PDE4A: variants seen among roughly 807,000 people sequenced by gnomAD.
PDE4A encodes 3',5'-cyclic-AMP phosphodiesterase 4A.
A neutral mutation model predicts 73.9 loss-of-function variants in PDE4A; 21 were observed. That is an observed-to-expected ratio of 0.28 (90% CI 0.20 to 0.41). The LOEUF is 0.41. Ranked by LOEUF, PDE4A falls within the 10% of genes least tolerant of loss-of-function variation. The probability of loss-of-function intolerance (pLI) is 1.00; values close to 1 mark genes in which losing one functional copy is unlikely to be tolerated. For synonymous variants in PDE4A, 463 were observed against 505.4 expected, an observed-to-expected ratio of 0.92 and a Z score of 1.13; for missense variants, 958 against 1,211.4, an observed-to-expected ratio of 0.79 and a Z score of 3.10.
At chr19:10,450,562 A>C (rs1599435716) in intron 4 of PDE4A, 41 bp from the exon 5 acceptor site, 2 of 1,560,264 alleles carry the variant, frequency 1.3e-6, no homozygotes, top group Non-Finnish European at 1.7e-6. Flanking sequence ...TGGTGGGGGG[A>C]CCCAGGCTGA....
Position 10,458,253 on chromosome 19 carries a change from C to T in PDE4A, c.1101+151C>T. ...GCCCATCTTGAGGCAAGCATGCTGG[C>T]TCTTTGTACCTCTGTATCATTCATT... On this transcript the variant is annotated intron_variant, in intron 8 of 14. Coordinates refer to ENST00000380702, the MANE Select transcript of PDE4A (RefSeq NM_001111307.2). This position sits in a 1 kb window ranked among gnomAD's most constrained non-coding sequence, Gnocchi z 4.6. 1.4e-6 allele frequency: 1 copy of T among 696,668 alleles called. No individual in the cohort carries two copies. Among genetic ancestry groups the T allele is most frequent in the Non-Finnish European group, 2.4e-6 (1 of 417,438 alleles). 43.2% of individuals were successfully genotyped at this position (696,668 alleles called of 1,614,324 possible). A position where few individuals can be genotyped will look rare whatever the true frequency, so the allele number is the denominator to read the frequency against.
intron 1 of PDE4A, chr19:10,428,763 C>T (rs2145461518): frequency 2.0e-6 from 2 of 984,858 alleles, no homozygotes; most frequent in South Asian, 4.7e-5. Context: ...CAAGCCCAGG[C>T]TTCCTCACTC....
At chr19:10,427,072 C>G (rs553725534) in intron 1 of PDE4A, among the ~76,000 whole-genome samples, 2 of 151,964 alleles carry the variant, frequency 1.3e-5, no homozygotes, top group Non-Finnish European at 2.9e-5. Flanking sequence ...GAGGCCGAGG[C>G]AGGTGGATCA....
intron 13 of PDE4A, 132 bp downstream of exon 13, chr19:10,462,131 T>G: frequency 1.4e-6 from 1 of 737,128 alleles, no homozygotes. Context: ...TTCTTTCTTT[T>G]TTTTTGTTTG....
chr19:10,442,503 G>A (rs548844133), intron 1 of PDE4A, among the ~76,000 whole-genome samples: 4 of 151,952 alleles, frequency 2.6e-5, no homozygotes, highest in African/African-American at 7.2e-5. Context: ...CAGACTGGGC[G>A]ACAGAGTGAA....
At chr19:10,436,223 A>G (rs1279977225) in intron 1 of PDE4A, among the ~76,000 whole-genome samples, 3 of 152,192 alleles carry the variant, frequency 2.0e-5, no homozygotes, top group African/African-American at 7.2e-5. Context: ...CAATGAAGCC[A>G]CCAACCCCTT....
At chr19:10,459,866 G>A in intron 10 of PDE4A, 107 bp downstream of exon 10, 1 of 1,276,636 alleles carries the variant, frequency 7.8e-7, no homozygotes, top group Non-Finnish European at 1.1e-6. Context: ...ATCTCTCTTT[G>A]ACGCCATTTC....
In PDE4A at chr19:10,461,595, A is replaced by G. The variant is rs141379029; in HGVS notation, c.1535A>G (p.Lys512Arg). 477 of 1,612,232 alleles carry G rather than the reference A, an allele frequency of 3.0e-4. 1 individual carries two copies. Among genetic ancestry groups the G allele is most frequent in the Non-Finnish European group, 3.2e-4 (379 of 1,179,198 alleles). The change falls in exon 12 of 15, where the codon AAG becomes AGG. Residue 512 changes from lysine to arginine, a missense_variant. By Grantham distance (26) the Lys-to-Arg change is conservative (BLOSUM62 2). Transcript: ENST00000380702. ...AATCACCACCTGGCCGTGGGCTTCA[A>G]GCTGCTGCAGGAGGACAACTGCGAC... is the stretch of plus-strand genomic sequence containing the variant. Reference protein sequence around the residue: ...LENHHLAVGFKLLQEDNCDIF... With the variant: ...LENHHLAVGFRLLQEDNCDIF...
In PDE4A at chr19:10,420,800, GTC is replaced by G; in HGVS notation, c.40_41del (p.Leu14ValfsTer141). 6.3e-7 allele frequency: 1 copy of G among 1,585,086 alleles called. No homozygotes were observed. Among genetic ancestry groups the G allele is most frequent in the Non-Finnish European group, 8.5e-7 (1 of 1,174,156 alleles). ...PPTVPSERSL[S>X]LSLPGPREGQ... ...CGACCGTCCCCTCGGAAAGGAGCCT[GTC>G]TCTGTCACTGCCCGGGCCCCGGGAG... is the stretch of plus-strand genomic sequence containing the variant. On this transcript the variant is annotated frameshift_variant, in exon 1 of 15. Transcript: ENST00000380702. LOFTEE classifies it high-confidence loss of function. This position sits in a 1 kb window ranked among gnomAD's most constrained non-coding sequence, Gnocchi z 6.0.
Position 10,453,130 on chromosome 19 carries a change from C to A in PDE4A, c.784-1699C>A, listed in dbSNP as rs958188734. 1.4e-5 allele frequency: 20 copies of A among 1,379,972 alleles called. No homozygotes were observed. Among genetic ancestry groups the A allele is most frequent in the Non-Finnish European group, 1.8e-5 (19 of 1,067,904 alleles). The allele number at this position is 1,379,972 out of a possible 1,614,324, so 85.5% of individuals were successfully genotyped here. A position where few individuals can be genotyped will look rare whatever the true frequency, so the allele number is the denominator to read the frequency against. ...AAGGGAGCCCCCAGCCCTGCTGGGC[C>A]GGCCCAGGCCCCTCCGCGGCTCCCC... On this transcript the variant is annotated intron_variant, in intron 6 of 14. Transcript: ENST00000380702. This position sits in a 1 kb window ranked among gnomAD's most constrained non-coding sequence, Gnocchi z 4.6.
At chr19:10,427,580 C>T in intron 1 of PDE4A, 1 of 985,380 alleles carries the variant, frequency 1.0e-6, no homozygotes, top group Non-Finnish European at 1.2e-6. Context: ...CATCATTGGG[C>T]TGGAAGGAAA....
chr19:10,419,838 T>C (rs993371526), upstream of PDE4A, among the ~76,000 whole-genome samples: 1 of 152,120 alleles, frequency 6.6e-6, no homozygotes. Context: ...AAAGACCACG[T>C]AGGGATGCAC....
rs1251992202 is a variant in PDE4A, at chr19:10,458,705, A to G, written c.1101+603A>G. Among the ~76,000 whole-genome samples, 1 of 145,976 alleles carries G rather than the reference A, an allele frequency of 6.9e-6. No homozygotes were observed. The highest frequency in any genetic ancestry group is 1.5e-5 in the Non-Finnish European group (1 of 65,756). On this transcript the variant is annotated intron_variant, in intron 8 of 14. Coordinates refer to ENST00000380702, the MANE Select transcript of PDE4A (RefSeq NM_001111307.2). The surrounding 1 kb of genome is among the most constrained non-coding windows in gnomAD (Gnocchi z 4.6). ...GTGATCTCGGCTCAAGGCAACCTCC[A>G]CCTCCTGGGTTCAAGCAATACTCCT...
intron 1 of PDE4A, among the ~76,000 whole-genome samples, chr19:10,441,991 T>G (rs936748010): frequency 4.6e-5 from 7 of 151,984 alleles, no homozygotes; most frequent in Non-Finnish European, 8.8e-5. Flanking sequence ...ACGCCCTGCC[T>G]TGAGTTAATT....
chr19:10,421,400 A>C, intron 1 of PDE4A: 1 of 945,074 alleles, frequency 1.1e-6, no homozygotes, highest in Non-Finnish European at 1.3e-6. Context: ...AACAGCTGCT[A>C]AGCTGGGAAC....
intron 11 of PDE4A, 134 bp from the exon 12 acceptor site, chr19:10,461,392 G>T: frequency 6.7e-7 from 1 of 1,497,860 alleles, no homozygotes; most frequent in Non-Finnish European, 8.8e-7. Context: ...TGGCCGGGCT[G>T]GGGTAGAGCT....
chr19:10,417,380 G>A, upstream of PDE4A: 2 of 985,256 alleles, frequency 2.0e-6, no homozygotes, highest in Non-Finnish European at 1.2e-6. Context: ...GTGTTAGAGA[G>A]GTCTCACACT....
At chr19:10,432,492 C>T (rs1251908140) in intron 1 of PDE4A, 1 of 1,514,238 alleles carries the variant, frequency 6.6e-7, no homozygotes. Flanking sequence ...GGCACTGCCC[C>T]CCACGGGCCC....
At chr19:10,448,634 T>TAA (rs573277641) in intron 2 of PDE4A, among the ~76,000 whole-genome samples, 3 of 134,604 alleles carry the variant, frequency 2.2e-5, no homozygotes, top group African/African-American at 2.7e-5. Flanking sequence ...AGACTCTGTC[T>TAA]AAAAAAAAAA....
Sources: gnomAD v4.1 joint callset for allele counts (sites outside exome capture counted in the v4.1 genomes callset) on GRCh38, gnomAD v4.1.1 for gene constraint, Gnocchi (gnomAD v3.1) non-coding constraint, MANE v1.5 for transcripts, NCBI Gene and HGNC (gene_info 2026-07-23, HGNC 2026-07-21) for gene names.